Variants in EXOC6B observed in about 807,000 individuals in gnomAD.
EXOC6B encodes the protein SEC15 homolog B.
EXOC6B carries 54 observed loss-of-function variants against 113.5 expected under a neutral mutation model. The ratio of observed to expected loss-of-function variants is 0.48; its 90% confidence interval spans 0.38 to 0.60. The LOEUF (loss-of-function observed/expected upper bound fraction) is 0.60. Ranked by LOEUF, EXOC6B falls within the 20% of genes least tolerant of loss-of-function variation. EXOC6B has a pLI of 0.00. For missense variants in EXOC6B, 797 were observed against 977.5 expected, an observed-to-expected ratio of 0.82 and a Z score of 2.46; for synonymous variants, 357 against 339.0, an observed-to-expected ratio of 1.05 and a Z score of -0.58.
intron 20 of EXOC6B, among the ~76,000 whole-genome samples, chr2:72,297,084 C>T (rs1276364789): frequency 6.6e-6 from 1 of 152,092 alleles, no homozygotes; most frequent in Non-Finnish European, 1.5e-5. Context: ...AACCCTATTC[C>T]TTCAAGATGA....
chr2:72,211,284 G>A (rs1680171934), intron 20 of EXOC6B, among the ~76,000 whole-genome samples: 1 of 152,148 alleles, frequency 6.6e-6, no homozygotes, highest in African/African-American at 2.4e-5. Flanking sequence ...TGATTTCCAA[G>A]GGCCCTTTTC....
chr2:72,596,762 G>A (rs898521222), intron 6 of EXOC6B, among the ~76,000 whole-genome samples: 3 of 151,672 alleles, frequency 2.0e-5, no homozygotes, highest in Non-Finnish European at 4.4e-5. Context: ...AACAGAAAGA[G>A]CTATAAAACA....
intron 18 of EXOC6B, among the ~76,000 whole-genome samples, chr2:72,460,553 G>A (rs1267337114): frequency 1.3e-5 from 2 of 152,144 alleles, no homozygotes; most frequent in Non-Finnish European, 2.9e-5. Context: ...TGAAAGACAT[G>A]AACAGACACT....
chr2:72,345,148 C>T (rs769371093), intron 19 of EXOC6B, among the ~76,000 whole-genome samples: 3 of 152,160 alleles, frequency 2.0e-5, no homozygotes, highest in East Asian at 1.9e-4. Context: ...GTTAACCACA[C>T]TTTAATGTCC....
chr2:72,490,099 A>T (rs1454408891), intron 16 of EXOC6B, among the ~76,000 whole-genome samples: 4 of 152,212 alleles, frequency 2.6e-5, no homozygotes, highest in Non-Finnish European at 5.9e-5. Flanking sequence ...TAATTCTATT[A>T]TCTCTGACTA....
intron 1 of EXOC6B, among the ~76,000 whole-genome samples, chr2:72,799,236 T>A (rs1295162459): frequency 2.1e-5 from 2 of 93,164 alleles, no homozygotes; most frequent in Non-Finnish European, 1.9e-5. Context: ...TGAGACCCTG[T>A]CTCAAAAAAA....
chr2:72,386,900 G>A (rs965945786), intron 18 of EXOC6B, among the ~76,000 whole-genome samples: 10 of 152,180 alleles, frequency 6.6e-5, no homozygotes, highest in East Asian at 3.9e-4. Context: ...ATTAGTGTCC[G>A]TTTTGTGCCT....
At chr2:72,251,985 A>G (rs1683049799) in intron 20 of EXOC6B, among the ~76,000 whole-genome samples, 1 of 152,080 alleles carries the variant, frequency 6.6e-6, no homozygotes, top group African/African-American at 2.4e-5. Context: ...TTGTCCCATC[A>G]TTTCTGCACT....
At chr2:72,392,376 C>G (rs1692442991) in intron 18 of EXOC6B, among the ~76,000 whole-genome samples, 1 of 152,234 alleles carries the variant, frequency 6.6e-6, no homozygotes, top group Non-Finnish European at 1.5e-5. Flanking sequence ...GGCAGTCCAG[C>G]TTGGGCAGCA....
chr2:72,668,880 G>A (rs114645301), intron 6 of EXOC6B, among the ~76,000 whole-genome samples: 9 of 152,072 alleles, frequency 5.9e-5, no homozygotes, highest in Admixed American at 2.0e-4. Context: ...CGCAATATAC[G>A]TTTGTAATAA....
At chr2:72,633,031 A>G (rs1672578518) in intron 6 of EXOC6B, among the ~76,000 whole-genome samples, 1 of 152,110 alleles carries the variant, frequency 6.6e-6, no homozygotes, top group African/African-American at 2.4e-5. Flanking sequence ...ACTAGAATGA[A>G]CTTGTACACT....
intron 6 of EXOC6B, among the ~76,000 whole-genome samples, chr2:72,578,848 G>T (rs1427720256): frequency 6.6e-6 from 1 of 152,062 alleles, no homozygotes; most frequent in East Asian, 1.9e-4. Flanking sequence ...ATCCACTCAG[G>T]AAACGGCAAG....
At chr2:72,202,893 A>G (rs1359181078) in intron 20 of EXOC6B, among the ~76,000 whole-genome samples, 1 of 152,212 alleles carries the variant, frequency 6.6e-6, no homozygotes, top group African/African-American at 2.4e-5. Context: ...GACAGAGGGT[A>G]GGGAGTTTAG....
chr2:72,209,223 C>CAAAAAAAAAAAAAAAAAAAAAAAAAA (rs1170760516), intron 20 of EXOC6B, among the ~76,000 whole-genome samples: 2 of 57,108 alleles, frequency 3.5e-5, no homozygotes, highest in African/African-American at 1.2e-4. Flanking sequence ...AACTCAGTCT[C>CAAAAAAAAAAAAAAAAAAAAAAAAAA]AAAAAAAAAA....
intron 20 of EXOC6B, among the ~76,000 whole-genome samples, chr2:72,208,921 G>A (rs1051984368): frequency 5.4e-4 from 82 of 152,076 alleles, no homozygotes; most frequent in Admixed American, 5.4e-3. Context: ...GTTACCATAA[G>A]TAGTTTGAAA....
chr2:72,780,614 C>T (rs375904549), intron 1 of EXOC6B, among the ~76,000 whole-genome samples: 1 of 152,260 alleles, frequency 6.6e-6, no homozygotes, highest in Non-Finnish European at 1.5e-5. Flanking sequence ...ACACTACACA[C>T]GGCAGATTAG....
chr2:72,559,552 C>A, intron 7 of EXOC6B, 31 bp from the exon 8 acceptor site: 1 of 1,584,164 alleles, frequency 6.3e-7, no homozygotes, highest in East Asian at 2.2e-5. Context: ...CAAAAAAATT[C>A]AAACAAAGCT....
At chr2:72,824,754 AC>A (rs1469881432) in intron 1 of EXOC6B, among the ~76,000 whole-genome samples, 2 of 152,172 alleles carry the variant, frequency 1.3e-5, no homozygotes, top group African/African-American at 2.4e-5. Flanking sequence ...TGGTTCTAGG[AC>A]ACCAGTAACA....
chr2:72,267,363 T>A (rs1356466753), intron 20 of EXOC6B, among the ~76,000 whole-genome samples: 1 of 151,930 alleles, frequency 6.6e-6, no homozygotes, highest in Non-Finnish European at 1.5e-5. Flanking sequence ...TTCCAGTTTT[T>A]GCCCATTCAG....
Sources: allele counts gnomAD v4.1 joint callset (sites outside exome capture counted in the v4.1 genomes callset), GRCh38; gene constraint gnomAD v4.1.1; transcripts MANE v1.5; gene names NCBI Gene and HGNC (gene_info 2026-07-23, HGNC 2026-07-21).